Variants in NLGN4X observed in about 807,000 individuals in gnomAD.
NLGN4X encodes the protein neuroligin-4, X-linked.
A neutral mutation model predicts 40.3 loss-of-function variants in NLGN4X; 3 were observed. The observed-to-expected ratio is 0.07, with a 90% CI of 0.03 to 0.19. The LOEUF is 0.19. Ranked by LOEUF, NLGN4X falls within the 10% of genes least tolerant of loss-of-function variation. NLGN4X has a pLI of 1.00. For synonymous variants in NLGN4X, 270 were observed against 306.8 expected, an observed-to-expected ratio of 0.88 and a Z score of 1.25; for missense variants, 382 against 708.3, an observed-to-expected ratio of 0.54 and a Z score of 5.23.
At chrX:6,011,116 A>G (rs953778472) in intron 3 of NLGN4X, among the ~76,000 whole-genome samples, 5 of 111,384 alleles carry the variant, frequency 4.5e-5, no homozygotes, top group Non-Finnish European at 9.4e-5. Flanking sequence ...TACTTGCACC[A>G]GAACTATTAT....
intron 1 of NLGN4X, among the ~76,000 whole-genome samples, chrX:6,179,623 T>A (rs1921213039): frequency 1.8e-5 from 2 of 112,310 alleles, no homozygotes; most frequent in South Asian, 3.7e-4. Context: ...GACTGTGATG[T>A]CCCAGTTTGA....
At chrX:5,916,502 T>G (rs890850986) in intron 3 of NLGN4X, among the ~76,000 whole-genome samples, 1 of 111,555 alleles carries the variant, frequency 9.0e-6, no homozygotes, top group African/African-American at 3.3e-5. Flanking sequence ...CAGACTGGAG[T>G]GCAGTGGTGC....
chrX:5,963,882 T>TA (rs1403406370), intron 3 of NLGN4X, among the ~76,000 whole-genome samples: 5 of 112,364 alleles, frequency 4.4e-5, no homozygotes, highest in African/African-American at 1.6e-4. Flanking sequence ...TCTCCTTCTA[T>TA]AAAAAACCCA....
chrX:6,157,298 G>T (rs193075417), intron 1 of NLGN4X, among the ~76,000 whole-genome samples: 21 of 111,551 alleles, frequency 1.9e-4, no homozygotes, highest in African/African-American at 6.5e-4. Context: ...AGGGGCCTCA[G>T]CAGAACCCAA....
chrX:6,010,545 T>TATTATTATTA (rs1569184098), intron 3 of NLGN4X, among the ~76,000 whole-genome samples: 1 of 105,554 alleles, frequency 9.5e-6, no homozygotes. Flanking sequence ...TTATTATTAT[T>TATTATTATTA]TTAGACGAAG....
At chrX:5,968,652 G>A (rs1391716919) in intron 3 of NLGN4X, among the ~76,000 whole-genome samples, 1 of 107,355 alleles carries the variant, frequency 9.3e-6, no homozygotes, top group Non-Finnish European at 1.9e-5. Flanking sequence ...AGAGCAGTTA[G>A]TTATTTTAAA....
intron 2 of NLGN4X, among the ~76,000 whole-genome samples, chrX:6,126,570 G>A (rs1026374777): frequency 1.8e-5 from 2 of 111,756 alleles, no homozygotes; most frequent in Non-Finnish European, 3.8e-5. Flanking sequence ...AAATGTAATT[G>A]AAGATATCAT....
intron 1 of NLGN4X, among the ~76,000 whole-genome samples, chrX:6,162,431 A>AG (rs2040419755): frequency 9.0e-6 from 1 of 111,689 alleles, no homozygotes; most frequent in African/African-American, 3.3e-5. Context: ...GCACCATCTA[A>AG]TCAGCTGCCA....
intron 2 of NLGN4X, among the ~76,000 whole-genome samples, chrX:6,095,598 C>T (rs757478821): frequency 2.7e-5 from 3 of 112,269 alleles, no homozygotes; most frequent in South Asian, 3.7e-4. Context: ...TCTGATTCTA[C>T]CCCATATATG....
At chrX:5,967,300 C>T (rs2034862669) in intron 3 of NLGN4X, among the ~76,000 whole-genome samples, 1 of 112,057 alleles carries the variant, frequency 8.9e-6, no homozygotes, top group Admixed American at 9.5e-5. Flanking sequence ...GTCAGCGCAA[C>T]TCCCTTTAAA....
At chrX:6,211,921 A>G (rs1924637604) in intron 1 of NLGN4X, among the ~76,000 whole-genome samples, 1 of 111,169 alleles carries the variant, frequency 9.0e-6, no homozygotes, top group African/African-American at 3.3e-5. Flanking sequence ...TCATTCCTTC[A>G]CCATAAGAAA....
At chrX:6,066,853 A>C (rs1276018915) in intron 2 of NLGN4X, among the ~76,000 whole-genome samples, 4 of 112,522 alleles carry the variant, frequency 3.6e-5, no homozygotes, top group Non-Finnish European at 7.5e-5. Flanking sequence ...CACGCCTGTA[A>C]TCCCAGCACT....
At chrX:5,928,481 G>C (rs2033413177) in intron 3 of NLGN4X, among the ~76,000 whole-genome samples, 1 of 111,972 alleles carries the variant, frequency 8.9e-6, no homozygotes, top group Non-Finnish European at 1.9e-5. Context: ...TTTTCCAGCG[G>C]AGGGGAGGGA....
chrX:5,939,226 T>C (rs2033834631), intron 3 of NLGN4X, among the ~76,000 whole-genome samples: 1 of 111,252 alleles, frequency 9.0e-6, no homozygotes, highest in Non-Finnish European at 1.9e-5. Flanking sequence ...AACAGTCTGA[T>C]AGGAAATTTG....
intron 2 of NLGN4X, among the ~76,000 whole-genome samples, chrX:6,040,605 T>C (rs2037130840): frequency 8.9e-6 from 1 of 112,228 alleles, no homozygotes; most frequent in African/African-American, 3.2e-5. Flanking sequence ...ATCTGGATGC[T>C]AGAGCATAGA....
rs9698537 is a variant in NLGN4X at position 6,116,565 on chromosome X, G to T, written c.472+34430C>A. ...GCCTCCCAGGTTCAAGTGATTCTTCGGCCTCAGCCCCCGCCTCCCAGGTTC... is the reference window on the plus strand; with the variant it reads ...GCCTCCCAGGTTCAAGTGATTCTTCTGCCTCAGCCCCCGCCTCCCAGGTTC... On this transcript the variant is annotated intron_variant, in intron 2 of 5. Coordinates refer to ENST00000381095, the MANE Select transcript of NLGN4X (RefSeq NM_181332.3). 9.4e-4 allele frequency among the ~76,000 whole-genome samples: 50 copies of T among 53,445 alleles called. 1 individual carries two copies. The highest frequency in any genetic ancestry group is 1.6e-3 in the African/African-American group (20 of 12,797). 46.4% of individuals were successfully genotyped at this position (53,445 alleles called of 115,157 possible). A position where few individuals can be genotyped will look rare whatever the true frequency, so the allele number is the denominator to read the frequency against.
chrX:5,912,560 G>T (rs2032531415), intron 3 of NLGN4X, among the ~76,000 whole-genome samples: 1 of 110,675 alleles, frequency 9.0e-6, no homozygotes, highest in African/African-American at 3.3e-5. Context: ...CTGTTGGGAG[G>T]TTACATTGTT....
At chrX:6,125,673 G>C (rs991350552) in intron 2 of NLGN4X, among the ~76,000 whole-genome samples, 31 of 111,084 alleles carry the variant, frequency 2.8e-4, no homozygotes, top group East Asian at 2.3e-3. Flanking sequence ...AGTAATGAAA[G>C]AATCACTAAA....
At chrX:5,897,067 C>T (rs1425114104) in intron 5 of NLGN4X, among the ~76,000 whole-genome samples, 1 of 111,501 alleles carries the variant, frequency 9.0e-6, no homozygotes, top group East Asian at 2.8e-4. Flanking sequence ...ATCAATCTGC[C>T]GTACAAACCC....
Sources: allele counts gnomAD v4.1 joint callset (sites outside exome capture counted in the v4.1 genomes callset), GRCh38; gene constraint gnomAD v4.1.1; transcripts MANE v1.5; gene names NCBI Gene and HGNC (gene_info 2026-07-23, HGNC 2026-07-21).